Variants in ANKRD26 observed in about 807,000 individuals in gnomAD.
ANKRD26 encodes ankyrin repeat domain-containing protein 26.
In ANKRD26, 141 loss-of-function variants were observed where a neutral mutation model predicts 208.7. The observed-to-expected ratio is 0.68, with a 90% confidence interval of 0.59 to 0.78. The LOEUF is 0.78. Ranked by LOEUF, ANKRD26 falls within the 30% of genes least tolerant of loss-of-function variation. ANKRD26 has a pLI of 0.00. For synonymous variants in ANKRD26, 636 were observed against 660.4 expected (o/e 0.96, Z 0.57); for missense variants, 1,889 against 1,938.7 (o/e 0.97, Z 0.48).
Position 26,993,739 on chromosome 10 carries a change from T to C in ANKRD26, c.*29+1302A>G, listed in dbSNP as rs1007590198. ...ATACCAGACCATTTCTGTGATGTAA[T>C]ACATTTTTGGTATTCTATCCAGTCC... On this transcript the variant is annotated intron_variant, in intron 5 of 5. Coordinates refer to the ANKRD26 transcript ENST00000445828. Among the ~76,000 whole-genome samples, 10 of 152,204 alleles carry C rather than the reference T, an allele frequency of 6.6e-5. No homozygotes were observed. The East Asian group carries it at 1.9e-3, about 29-fold the overall frequency.
chr10:26,987,294 G>C (rs2052406389), downstream of ANKRD26, among the ~76,000 whole-genome samples: 1 of 152,110 alleles, frequency 6.6e-6, no homozygotes, highest in African/African-American at 2.4e-5. Flanking sequence ...GTGGGGGTAT[G>C]GGGGATGGAT....
rs2054331544 is a variant in ANKRD26 at position 27,043,435 on chromosome 10, C to G, written c.2152G>C (p.Glu718Gln). ...TATGCAATGGTCCTACCTTTACACT[C>G]CATTCCAAGTTGTTCAATGAGCAAC... is the stretch of plus-strand genomic sequence containing the variant. Reference protein sequence around the residue: ...FMLLIEQLGMECKDSVSLLKI... With the variant: ...FMLLIEQLGMQCKDSVSLLKI... The change falls in exon 20 of 34, where the codon GAG becomes CAG. Residue 718 changes from glutamate (E) to glutamine (Q), a missense_variant. By Grantham distance (29) the Glu-to-Gln change is conservative (BLOSUM62 2). Around this residue, in one of 3 missense-constraint regions of ANKRD26, gnomAD observed 1,272 missense variants for 1,273.8 expected, o/e 1.00. Coordinates refer to ENST00000376087, the MANE Select transcript of ANKRD26 (RefSeq NM_014915.3). 6.2e-7 allele frequency: 1 copy of G among 1,613,898 alleles called. No homozygotes were observed. Among genetic ancestry groups the G allele is most frequent in the Non-Finnish European group, 8.5e-7 (1 of 1,179,956 alleles).
At chr10:26,996,433 G>A (rs1265376732) in intron 4 of ANKRD26, among the ~76,000 whole-genome samples, 1 of 152,156 alleles carries the variant, frequency 6.6e-6, no homozygotes, top group East Asian at 1.9e-4. Flanking sequence ...GGTGGCTCAT[G>A]CCTGTAATCA....
At chr10:26,953,935 G>C in the ANKRD26 span, among the ~76,000 whole-genome samples, 2 of 152,174 alleles carry the variant, frequency 1.3e-5, no homozygotes, top group Admixed American at 6.5e-5. Context: ...TGCTGCTCCT[G>C]CCCTACCAAT....
At chr10:27,044,483 T>C (rs2054372244) in intron 18 of ANKRD26, among the ~76,000 whole-genome samples, 1 of 151,388 alleles carries the variant, frequency 6.6e-6, no homozygotes, top group Non-Finnish European at 1.5e-5. Flanking sequence ...GAAAACATAG[T>C]GTTACTTGCA....
chr10:27,027,684 A>T (rs989273893), intron 27 of ANKRD26, among the ~76,000 whole-genome samples: 2 of 152,222 alleles, frequency 1.3e-5, no homozygotes, highest in Non-Finnish European at 2.9e-5. Flanking sequence ...TATTACCATG[A>T]ATACAATAAA....
intron 10 of ANKRD26, 125 bp from the exon 11 acceptor site, chr10:27,066,673 G>A: frequency 4.7e-6 from 3 of 633,608 alleles, no homozygotes; most frequent in Admixed American, 6.8e-5. Flanking sequence ...AAAAATAATA[G>A]CAAAAAAAGA....
intron 4 of ANKRD26, among the ~76,000 whole-genome samples, chr10:27,091,094 A>AAACAAT (rs148059649): frequency 1.1e-4 from 17 of 151,374 alleles, no homozygotes; most frequent in African/African-American, 3.9e-4. Flanking sequence ...ACCCTGTCTC[A>AAACAAT]AATAATAATA....
At chr10:27,037,349 T>C (rs2054078552) in intron 22 of ANKRD26, 26 bp from the exon 23 acceptor site, 2 of 1,612,448 alleles carry the variant, frequency 1.2e-6, no homozygotes, top group Admixed American at 1.7e-5. Context: ...GTTTTAGGTC[T>C]ATTAGCATTT....
At chr10:27,003,717 G>A (rs2052778777), downstream of ANKRD26, among the ~76,000 whole-genome samples, 1 of 152,160 alleles carries the variant, frequency 6.6e-6, no homozygotes, top group East Asian at 1.9e-4. Flanking sequence ...CGCCCGAATG[G>A]CACAACCTAA....
At chr10:27,015,572 T>G (rs1589217939) in intron 30 of ANKRD26, among the ~76,000 whole-genome samples, 1 of 152,232 alleles carries the variant, frequency 6.6e-6, no homozygotes, top group African/African-American at 2.4e-5. Flanking sequence ...AAATACCATG[T>G]GAAGAAATCT....
At chr10:27,040,277 A>G in intron 20 of ANKRD26, 99 bp from the exon 21 acceptor site, 1 of 847,502 alleles carries the variant, frequency 1.2e-6, no homozygotes, top group Non-Finnish European at 1.9e-6. Context: ...GACCAATTAC[A>G]TATTGAGGGC....
chr10:27,081,830 C>T (rs1351866036), intron 6 of ANKRD26, among the ~76,000 whole-genome samples: 4 of 151,818 alleles, frequency 2.6e-5, no homozygotes, highest in African/African-American at 2.4e-5. Flanking sequence ...CTCCGCCTCC[C>T]GGGTTCAAGC....
chr10:27,004,044 G>A (rs1378918559), downstream of ANKRD26: 1 of 152,082 alleles, frequency 6.6e-6, no homozygotes, highest in East Asian at 1.9e-4. Flanking sequence ...CTACAGTTAT[G>A]TAAGGTAATT....
Position 27,009,570 on chromosome 10 carries a change from T to A in ANKRD26, c.4954-2608A>T, listed in dbSNP as rs529928698. Among the ~76,000 whole-genome samples the A allele has an allele frequency of 7.9e-5, 12 of 152,288 alleles. 1 individual carries two copies. In the South Asian group the frequency reaches 1.9e-3, roughly 24 times the overall value. Reference sequence around the variant, plus strand: ...AATGTCTTGGTGACATTAATAACTGTCCTATTGAGGTAGACAAGGTGCCAT... The same window carrying A: ...AATGTCTTGGTGACATTAATAACTGACCTATTGAGGTAGACAAGGTGCCAT... On this transcript the variant is annotated intron_variant, in intron 32 of 33. Transcript: ENST00000376087.
intron 32 of ANKRD26, among the ~76,000 whole-genome samples, chr10:27,010,039 A>G (rs533604239): frequency 1.7e-3 from 263 of 152,360 alleles, no homozygotes; most frequent in Non-Finnish European, 1.7e-3. Flanking sequence ...ATTAAGGGAT[A>G]AGGAAGTCAC....
intron 12 of ANKRD26, chr10:27,062,007 T>C (rs2135455071): frequency 1.0e-6 from 1 of 985,268 alleles, no homozygotes; most frequent in Non-Finnish European, 1.2e-6. Flanking sequence ...GTAAATGCAA[T>C]GAATCCATCT....
At chr10:27,072,190 A>G (rs1158472297) in intron 9 of ANKRD26, among the ~76,000 whole-genome samples, 1 of 152,182 alleles carries the variant, frequency 6.6e-6, no homozygotes, top group Non-Finnish European at 1.5e-5. Flanking sequence ...GCCTGGGACA[A>G]TTTTGAGTTC....
At chr10:27,065,859 C>CTTTTTTTTTTTTTTTTTT (rs767106612) in intron 11 of ANKRD26, among the ~76,000 whole-genome samples, 1 of 72,960 alleles carries the variant, frequency 1.4e-5, no homozygotes, top group Non-Finnish European at 2.5e-5. Context: ...ATAATTCTTT[C>CTTTTTTTTTTTTTTTTTT]TTTTTTTTTT....
Sources: allele counts gnomAD v4.1 joint callset (sites outside exome capture counted in the v4.1 genomes callset), GRCh38; gene constraint gnomAD v4.1.1; regional missense constraint gnomAD v4.1.1; transcripts MANE v1.5; gene names NCBI Gene and HGNC (gene_info 2026-07-23, HGNC 2026-07-21).